Variants in PLEKHM3 observed in about 807,000 individuals in gnomAD.
PLEKHM3 encodes the protein pleckstrin homology domain containing M3, also known as pleckstrin homology domain-containing family M member 3.
In PLEKHM3, 45 loss-of-function variants were observed where a neutral mutation model predicts 81.8. The observed-to-expected ratio is 0.55, with a 90% CI of 0.43 to 0.71. The LOEUF (loss-of-function observed/expected upper bound fraction) is 0.71. Ranked by LOEUF, PLEKHM3 falls within the 30% of genes least tolerant of loss-of-function variation. The pLI is 0.00. For missense variants in PLEKHM3, 788 were observed against 924.3 expected, an observed-to-expected ratio of 0.85 and a Z score of 1.91; for synonymous variants, 352 against 356.4, an observed-to-expected ratio of 0.99 and a Z score of 0.14.
At chr2:207,947,964 C>T (rs1690190625) in intron 3 of PLEKHM3, among the ~76,000 whole-genome samples, 1 of 152,114 alleles carries the variant, frequency 6.6e-6, no homozygotes, top group Non-Finnish European at 1.5e-5. Context: ...AGAATTAGAT[C>T]TCATTGTTTT....
chr2:207,957,426 C>T (rs1055555431), intron 3 of PLEKHM3, among the ~76,000 whole-genome samples: 9 of 152,254 alleles, frequency 5.9e-5, no homozygotes, highest in South Asian at 4.2e-4. Flanking sequence ...TGGCTGGGCG[C>T]GGTGGCTCAC....
intron 4 of PLEKHM3, among the ~76,000 whole-genome samples, chr2:207,940,277 T>C (rs1689896429): frequency 6.6e-6 from 1 of 152,240 alleles, no homozygotes; most frequent in Non-Finnish European, 1.5e-5. Context: ...AGTCATTTGC[T>C]AAGTGCTTTT....
At chr2:208,023,999 C>T (rs984110421) in intron 1 of PLEKHM3, among the ~76,000 whole-genome samples, 4 of 151,862 alleles carry the variant, frequency 2.6e-5, no homozygotes, top group African/African-American at 9.7e-5. Context: ...AAAAATTAGC[C>T]AGGCGTGGTG....
chr2:207,911,332 T>C (rs1332642070), intron 5 of PLEKHM3, among the ~76,000 whole-genome samples: 2 of 152,268 alleles, frequency 1.3e-5, no homozygotes, highest in East Asian at 1.9e-4. Flanking sequence ...AATGTTCACA[T>C]GTACTTCCAC....
chr2:207,926,893 C>A (rs1368720177), intron 5 of PLEKHM3, among the ~76,000 whole-genome samples: 2 of 152,188 alleles, frequency 1.3e-5, no homozygotes, highest in African/African-American at 4.8e-5. Flanking sequence ...GGCTCCCTGG[C>A]GGTCGAGCGC....
At chr2:207,975,698 G>C (rs1691284404) in intron 3 of PLEKHM3, among the ~76,000 whole-genome samples, 1 of 140,936 alleles carries the variant, frequency 7.1e-6, no homozygotes, top group South Asian at 2.3e-4. Context: ...CTGGGTTCAA[G>C]TGATTCTCCT....
chr2:207,877,171 T>C (rs1432581981), intron 6 of PLEKHM3, among the ~76,000 whole-genome samples: 1 of 152,178 alleles, frequency 6.6e-6, no homozygotes, highest in East Asian at 1.9e-4. Flanking sequence ...GCATTTTGAA[T>C]AGCATGCCCA....
intron 3 of PLEKHM3, among the ~76,000 whole-genome samples, chr2:207,952,799 T>C (rs886636727): frequency 1.3e-5 from 2 of 152,246 alleles, no homozygotes; most frequent in South Asian, 4.1e-4. Context: ...TAGTCTGAAG[T>C]TAACATGGTG....
chr2:207,830,513 T>G (rs551164906), intron 7 of PLEKHM3, among the ~76,000 whole-genome samples: 33 of 150,674 alleles, frequency 2.2e-4, no homozygotes, highest in Non-Finnish European at 4.4e-4. Context: ...CTCGGGAGGC[T>G]GAGGCAGGAG....
At chr2:207,909,772 T>C (rs1688754086) in intron 5 of PLEKHM3, among the ~76,000 whole-genome samples, 1 of 152,192 alleles carries the variant, frequency 6.6e-6, no homozygotes, top group Non-Finnish European at 1.5e-5. Context: ...CTCTTGGTGA[T>C]TAGCACAGCC....
intron 6 of PLEKHM3, among the ~76,000 whole-genome samples, chr2:207,862,034 C>G (rs1487797285): frequency 6.6e-6 from 1 of 152,140 alleles, no homozygotes; most frequent in Non-Finnish European, 1.5e-5. Flanking sequence ...GCCCCACAGT[C>G]TTGCATCTGC....
At chr2:208,013,997 G>A (rs937268925) in intron 1 of PLEKHM3, among the ~76,000 whole-genome samples, 1 of 152,180 alleles carries the variant, frequency 6.6e-6, no homozygotes, top group African/African-American at 2.4e-5. Flanking sequence ...CTGGCATCCC[G>A]AGAGTATGAG....
chr2:207,913,252 C>A (rs1049500032), intron 5 of PLEKHM3, among the ~76,000 whole-genome samples: 2 of 151,766 alleles, frequency 1.3e-5, no homozygotes, highest in Non-Finnish European at 2.9e-5. Context: ...GATTTGTGGG[C>A]CCCCAGCTTA....
In PLEKHM3 at chr2:207,961,805, C is replaced by T. The variant is rs75986781; in HGVS notation, c.1546+14846G>A. On this transcript the variant is annotated intron_variant, in intron 3 of 7. Transcript: ENST00000427836. The stretch of plus-strand genomic sequence containing the variant: ...AAAGATATCACCAGAAATCTCCCTT[C>T]CCCAGGTGGATGCTGTCAGTGTTGG... Among the ~76,000 whole-genome samples, 1,171 of 152,242 alleles carry T rather than the reference C, an allele frequency of 7.7e-3. 5 individuals carry two copies. Among genetic ancestry groups the T allele is most frequent in the Non-Finnish European group, 0.013 (897 of 68,022 alleles).
chr2:207,934,197 T>C (rs2105946224), intron 4 of PLEKHM3, among the ~76,000 whole-genome samples: 2 of 152,314 alleles, frequency 1.3e-5, no homozygotes, highest in East Asian at 3.8e-4. Flanking sequence ...TTTCATGAAT[T>C]ATATGTGAAC....
intron 6 of PLEKHM3, among the ~76,000 whole-genome samples, chr2:207,890,536 G>A (rs533697295): frequency 3.3e-5 from 5 of 152,280 alleles, no homozygotes; most frequent in South Asian, 4.1e-4. Flanking sequence ...GCTGAGGCAC[G>A]AGAATTGTTT....
intron 1 of PLEKHM3, among the ~76,000 whole-genome samples, chr2:208,010,452 T>C (rs1480366090): frequency 1.3e-5 from 2 of 152,260 alleles, no homozygotes; most frequent in Admixed American, 6.5e-5. Flanking sequence ...AAATGCAGAC[T>C]TGATGTTTTC....
chr2:207,885,877 T>G (rs1257926026), intron 6 of PLEKHM3, among the ~76,000 whole-genome samples: 3 of 152,142 alleles, frequency 2.0e-5, no homozygotes, highest in African/African-American at 7.2e-5. Flanking sequence ...CTGAAGAAAA[T>G]GCTTGAGTAC....
At position 208,013,971 on chromosome 2, in the gene PLEKHM3, C is replaced by T. The variant is rs116447469; in HGVS notation, c.-319+11418G>A. Reference sequence around the variant, plus strand: ...GAACTTGAACCTGCTAAAAAGTGAGCCTAGGTCTTTGTTAACTGGCATCCC... The same window carrying T: ...GAACTTGAACCTGCTAAAAAGTGAGTCTAGGTCTTTGTTAACTGGCATCCC... On this transcript the variant is annotated intron_variant, in intron 1 of 7. Transcript: ENST00000427836. 1.6e-3 allele frequency among the ~76,000 whole-genome samples: 239 copies of T among 152,234 alleles called. 2 individuals carry two copies. The highest frequency in any genetic ancestry group is 5.6e-3 in the African/African-American group (234 of 41,556).
Sources: gnomAD v4.1 joint callset for allele counts (sites outside exome capture counted in the v4.1 genomes callset) on GRCh38, gnomAD v4.1.1 for gene constraint, MANE v1.5 for transcripts, NCBI Gene and HGNC (gene_info 2026-07-23, HGNC 2026-07-21) for gene names.